MAP7: variants seen among roughly 807,000 people sequenced by gnomAD.
MAP7 encodes microtubule associated protein 7.
A neutral mutation model predicts 94.8 loss-of-function variants in MAP7; 52 were observed. The ratio of observed to expected loss-of-function variants is 0.55; its 90% CI spans 0.44 to 0.69. MAP7 has a LOEUF of 0.69. Among genes scored for constraint, MAP7 ranks in the 30% least tolerant of loss-of-function variants. The pLI, the probability that MAP7 is intolerant of heterozygous loss-of-function variation, is 0.00. For synonymous variants in MAP7, 350 were observed against 357.0 expected, an observed-to-expected ratio of 0.98 and a Z score of 0.22; for missense variants, 940 against 964.6, an observed-to-expected ratio of 0.97 and a Z score of 0.34.
intron 1 of MAP7, among the ~76,000 whole-genome samples, chr6:136,522,578 G>GA (rs944775561): frequency 3.3e-5 from 5 of 152,104 alleles, no homozygotes; most frequent in African/African-American, 1.2e-4. Flanking sequence ...ATTACTGGTA[G>GA]AAAAAAGACA....
intron 1 of MAP7, among the ~76,000 whole-genome samples, chr6:136,460,172 G>A (rs1006209153): frequency 3.3e-5 from 5 of 152,008 alleles, no homozygotes; most frequent in African/African-American, 1.2e-4. Context: ...ATAGTCAATG[G>A]GGGACTATTC....
At chr6:136,380,029 T>C (rs1177675019) in intron 6 of MAP7, among the ~76,000 whole-genome samples, 1 of 152,194 alleles carries the variant, frequency 6.6e-6, no homozygotes, top group African/African-American at 2.4e-5. Context: ...GTTAGTTTGT[T>C]TTTTTCCCCT....
chr6:136,400,928 T>C (rs529719506), intron 3 of MAP7, among the ~76,000 whole-genome samples: 4 of 152,364 alleles, frequency 2.6e-5, no homozygotes, highest in East Asian at 3.9e-4. Flanking sequence ...CGTATTCTGA[T>C]AGCAGATTCC....
intron 1 of MAP7, among the ~76,000 whole-genome samples, chr6:136,517,046 G>T (rs928770207): frequency 1.3e-5 from 2 of 151,752 alleles, no homozygotes; most frequent in African/African-American, 4.8e-5. Flanking sequence ...CCCTGATTAA[G>T]GCAGATCAGA....
rs550407130 is a variant in MAP7 at position 136,383,770 on chromosome 6, G to A, written c.538C>T (p.Arg180Trp). ...PSIHSADPDR[R>W]SVSTMNLSKY... is the part of the protein sequence containing the mutation. Reference sequence around the variant, plus strand: ...GAAAGATTCATGGTGGAAACTGACCGCCTGTCTGGATCTAAAACAAATGGA... The same window carrying A: ...GAAAGATTCATGGTGGAAACTGACCACCTGTCTGGATCTAAAACAAATGGA... The change falls in exon 6 of 18, where the codon CGG becomes TGG. Residue 180 changes from arginine (R) to tryptophan (W), a missense_variant. By Grantham distance (101) the Arg-to-Trp change is moderately radical. Coordinates refer to ENST00000354570, the MANE Select transcript of MAP7 (RefSeq NM_003980.6). 9.4e-6 allele frequency: 15 copies of A among 1,603,136 alleles called. No individual in the cohort carries two copies. Among genetic ancestry groups the A allele is most frequent in the South Asian group, 2.2e-5 (2 of 90,402 alleles).
At chr6:136,362,310 G>A in intron 11 of MAP7, 140 bp downstream of exon 11, 2 of 1,141,104 alleles carry the variant, frequency 1.8e-6, no homozygotes, top group Admixed American at 2.3e-5. Flanking sequence ...AGTAGTCATA[G>A]GAAAATTAGG....
intron 5 of MAP7, 85 bp downstream of exon 5, chr6:136,388,308 G>A (rs916412775): frequency 8.6e-5 from 86 of 997,150 alleles, no homozygotes; most frequent in Admixed American, 3.8e-4. Flanking sequence ...TTTTTGTTTC[G>A]CAAACATAGA....
intron 2 of MAP7, among the ~76,000 whole-genome samples, chr6:136,421,389 CATT>C (rs1231741864): frequency 6.6e-6 from 1 of 152,216 alleles, no homozygotes; most frequent in Non-Finnish European, 1.5e-5. Flanking sequence ...AGCTGCTTGA[CATT>C]AAATGAGTGC....
chr6:136,361,636 C>T (rs1262882032), intron 11 of MAP7, among the ~76,000 whole-genome samples: 1 of 152,196 alleles, frequency 6.6e-6, no homozygotes, highest in Non-Finnish European at 1.5e-5. Flanking sequence ...GCCAAGATGG[C>T]GGTCCAGCGA....
At chr6:136,448,857 T>A (rs1367701059) in intron 1 of MAP7, among the ~76,000 whole-genome samples, 1 of 151,982 alleles carries the variant, frequency 6.6e-6, no homozygotes, top group Non-Finnish European at 1.5e-5. Flanking sequence ...AAAAAAACAA[T>A]TAATATTTTA....
chr6:136,405,869 G>A (rs1346320634), intron 3 of MAP7, among the ~76,000 whole-genome samples: 1 of 152,092 alleles, frequency 6.6e-6, no homozygotes, highest in Non-Finnish European at 1.5e-5. Flanking sequence ...TGGGATGTGT[G>A]GGAAATTTCA....
chr6:136,480,911 C>A (rs757382642), intron 1 of MAP7, among the ~76,000 whole-genome samples: 5 of 152,094 alleles, frequency 3.3e-5, no homozygotes, highest in Non-Finnish European at 5.9e-5. Flanking sequence ...GGAGCACAAA[C>A]AGCTCTATAG....
rs78851150 is a variant in MAP7, at chr6:136,433,159, G to A, written c.68-11360C>T. ...GAAAAAAAACTATGTATAAATATAT[G>A]TATTTGCTTTCCATTTATTCAGAAC... On this transcript the variant is annotated intron_variant, in intron 1 of 17. Coordinates refer to ENST00000354570, the MANE Select transcript of MAP7 (RefSeq NM_003980.6). Among the ~76,000 whole-genome samples the A allele has an allele frequency of 9.0e-3, 1,372 of 152,224 alleles. 60 individuals carry two copies. In the East Asian group the frequency reaches 0.14, roughly 15 times the overall value.
At chr6:136,433,494 C>G (rs868810897) in intron 1 of MAP7, among the ~76,000 whole-genome samples, 9 of 152,236 alleles carry the variant, frequency 5.9e-5, no homozygotes, top group Non-Finnish European at 8.8e-5. Flanking sequence ...AAGTCAGCCA[C>G]TTCCAAGGAA....
intron 1 of MAP7, among the ~76,000 whole-genome samples, chr6:136,509,059 C>A (rs894657002): frequency 6.6e-6 from 1 of 152,194 alleles, no homozygotes; most frequent in Non-Finnish European, 1.5e-5. Flanking sequence ...TATATTAACT[C>A]TCTCATGAAG....
chr6:136,442,057 T>C (rs994176271), intron 1 of MAP7, among the ~76,000 whole-genome samples: 3 of 151,262 alleles, frequency 2.0e-5, no homozygotes, highest in African/African-American at 7.3e-5. Context: ...ACAAAGTAAA[T>C]CTTCCCAATT....
chr6:136,517,653 C>T (rs1484451075), intron 1 of MAP7, among the ~76,000 whole-genome samples: 4 of 152,178 alleles, frequency 2.6e-5, no homozygotes, highest in Non-Finnish European at 5.9e-5. Context: ...CAGTAATGTG[C>T]ATATTTCCAT....
chr6:136,370,271 T>A (rs1218113797), intron 8 of MAP7, among the ~76,000 whole-genome samples: 2 of 152,218 alleles, frequency 1.3e-5, no homozygotes, highest in Non-Finnish European at 2.9e-5. Context: ...AGATCACGAT[T>A]GTTGGCGAGA....
At chr6:136,542,014 G>A (rs951971850) in intron 1 of MAP7, among the ~76,000 whole-genome samples, 2 of 152,044 alleles carry the variant, frequency 1.3e-5, no homozygotes, top group South Asian at 2.1e-4. Context: ...AGCCAAGTTC[G>A]TGCCACTGCA....
Sources: gnomAD v4.1 joint callset for allele counts (sites outside exome capture counted in the v4.1 genomes callset) on GRCh38, gnomAD v4.1.1 for gene constraint, MANE v1.5 for transcripts, NCBI Gene and HGNC (gene_info 2026-07-23, HGNC 2026-07-21) for gene names.